The following NAALADL2 variants were observed in gnomAD, a reference collection of about 807,000 sequenced individuals.
NAALADL2 encodes N-acetylated alpha-linked acidic dipeptidase like 2.
NAALADL2 carries 76 observed loss-of-function variants against 87.2 expected under a neutral mutation model. The ratio of observed to expected loss-of-function variants is 0.87; its 90% CI spans 0.72 to 1.05. The LOEUF (loss-of-function observed/expected upper bound fraction) is 1.05, where lower values mean the gene tolerates loss of function less well. NAALADL2 is among the 50% of genes least tolerant of loss of function. NAALADL2 has a pLI of 0.00. For missense variants in NAALADL2, 1,089 were observed against 945.8 expected (o/e 1.15, Z -1.99); for synonymous variants, 354 against 331.0 (o/e 1.07, Z -0.75).
intron 11 of NAALADL2, among the ~76,000 whole-genome samples, chr3:175,628,260 G>T (rs1727274972): frequency 6.6e-6 from 1 of 151,652 alleles, no homozygotes; most frequent in Admixed American, 6.6e-5. Context: ...ATTTTGTCCA[G>T]TTGTAGGCTA....
chr3:175,579,085 CTTTCAAAGGGTGT>C (rs1472584715), intron 10 of NAALADL2, among the ~76,000 whole-genome samples: 2 of 152,184 alleles, frequency 1.3e-5, no homozygotes, highest in Non-Finnish European at 2.9e-5. Flanking sequence ...GCTGCTTCCA[CTTTCAAAGGGTGT>C]TTTCTAAGAG....
chr3:174,667,495 A>C (rs113336076), intron 2 of NAALADL2, among the ~76,000 whole-genome samples: 134 of 150,968 alleles, frequency 8.9e-4, no homozygotes, highest in African/African-American at 3.2e-3. Flanking sequence ...TGGCATTTTC[A>C]TGGGCAGAAA....
intron 5 of NAALADL2, among the ~76,000 whole-genome samples, chr3:175,411,716 T>C (rs1713554899): frequency 6.6e-6 from 1 of 152,038 alleles, no homozygotes; most frequent in Non-Finnish European, 1.5e-5. Context: ...AGTCACAAGC[T>C]AAGATGTCCA....
At chr3:174,867,958 G>T (rs1348261501) in intron 1 of NAALADL2, among the ~76,000 whole-genome samples, 2 of 151,984 alleles carry the variant, frequency 1.3e-5, no homozygotes, top group Non-Finnish European at 1.5e-5. Context: ...GTCTAAGAAT[G>T]AAAAGGCAAA....
At chr3:174,650,427 T>C (rs1022660133) in intron 2 of NAALADL2, among the ~76,000 whole-genome samples, 15 of 152,114 alleles carry the variant, frequency 9.9e-5, no homozygotes, top group Admixed American at 8.5e-4. Context: ...TAAGATGTTA[T>C]TGAAGGTAGT....
At chr3:174,856,625 A>C (rs1725888494), upstream of NAALADL2, among the ~76,000 whole-genome samples, 1 of 152,184 alleles carries the variant, frequency 6.6e-6, no homozygotes, top group Admixed American at 6.5e-5. Flanking sequence ...TAATGGTCCC[A>C]AAATGCAAAA....
chr3:175,405,783 G>T (rs550494992), intron 5 of NAALADL2, among the ~76,000 whole-genome samples: 1 of 152,222 alleles, frequency 6.6e-6, no homozygotes, highest in South Asian at 2.1e-4. Flanking sequence ...CATTTAATCT[G>T]CCAATAATCC....
chr3:175,306,539 C>T (rs549942177), intron 4 of NAALADL2, among the ~76,000 whole-genome samples: 11 of 152,204 alleles, frequency 7.2e-5, no homozygotes, highest in East Asian at 3.9e-4. Flanking sequence ...CGGCCAGACG[C>T]GGTGGCTCGT....
chr3:174,663,081 T>A (rs1189235343), intron 2 of NAALADL2, among the ~76,000 whole-genome samples: 1 of 152,162 alleles, frequency 6.6e-6, no homozygotes, highest in African/African-American at 2.4e-5. Flanking sequence ...TATTTTAATG[T>A]AGATGAGTAT....
chr3:175,554,829 A>T (rs1715003916), intron 9 of NAALADL2, among the ~76,000 whole-genome samples: 1 of 152,136 alleles, frequency 6.6e-6, no homozygotes, highest in Admixed American at 6.6e-5. Flanking sequence ...ATGAATTCTA[A>T]CTTATCTCAG....
chr3:175,772,560 T>C (rs141305326), intron 13 of NAALADL2, among the ~76,000 whole-genome samples: 2 of 152,248 alleles, frequency 1.3e-5, no homozygotes, highest in South Asian at 4.1e-4. Flanking sequence ...TTTCCAAAAT[T>C]AGTTAAATCA....
At chr3:175,746,789 C>A (rs767636403) in intron 12 of NAALADL2, among the ~76,000 whole-genome samples, 1 of 152,126 alleles carries the variant, frequency 6.6e-6, no homozygotes, top group Non-Finnish European at 1.5e-5. Flanking sequence ...CCATTGGGGG[C>A]AAATTCCTAA....
At chr3:174,473,964 G>T (rs1717061318) in intron 1 of NAALADL2, among the ~76,000 whole-genome samples, 1 of 152,070 alleles carries the variant, frequency 6.6e-6, no homozygotes, top group African/African-American at 2.4e-5. Flanking sequence ...TCACAGGGTG[G>T]CAGGAGAGAG....
Position 175,095,949 on chromosome 3 carries a change from G to T in NAALADL2, c.44-841G>T, listed in dbSNP as rs775862662. 7.2e-5 allele frequency among the ~76,000 whole-genome samples: 11 copies of T among 152,130 alleles called. No individual in the cohort carries two copies. The East Asian group carries it at 1.9e-3, about 27-fold the overall frequency. ...AGCCCAGTTTTCCTAATACCACTTGGCAGGATACAACAAGCTGTCATCCAA... is the reference window on the plus strand; with the variant it reads ...AGCCCAGTTTTCCTAATACCACTTGTCAGGATACAACAAGCTGTCATCCAA... On this transcript the variant is annotated intron_variant, in intron 1 of 13. Transcript: ENST00000454872.
chr3:175,005,691 T>C (rs1001124796), intron 1 of NAALADL2, among the ~76,000 whole-genome samples: 1 of 152,220 alleles, frequency 6.6e-6, no homozygotes, highest in African/African-American at 2.4e-5. Flanking sequence ...TTTCACAGCA[T>C]CTATTGATTA....
chr3:175,585,561 G>T (rs901393068), intron 10 of NAALADL2, among the ~76,000 whole-genome samples: 14 of 152,026 alleles, frequency 9.2e-5, no homozygotes, highest in Admixed American at 4.6e-4. Flanking sequence ...TAATGTTAAT[G>T]TTTCCTTGTA....
At chr3:175,223,773 T>C (rs1288462158) in intron 2 of NAALADL2, among the ~76,000 whole-genome samples, 3 of 152,176 alleles carry the variant, frequency 2.0e-5, no homozygotes. Flanking sequence ...AAAATGAAGC[T>C]AAGTTCAAGT....
chr3:174,766,332 G>A (rs1306616934), intron 3 of NAALADL2, among the ~76,000 whole-genome samples: 1 of 152,176 alleles, frequency 6.6e-6, no homozygotes, highest in Non-Finnish European at 1.5e-5. Flanking sequence ...AATGTGTCCT[G>A]ACAGCTACTG....
At chr3:174,780,542 C>T (rs943353631) in intron 3 of NAALADL2, among the ~76,000 whole-genome samples, 1 of 152,038 alleles carries the variant, frequency 6.6e-6, no homozygotes, top group Non-Finnish European at 1.5e-5. Context: ...GTGAGAGAGG[C>T]CATCCTTGCC....
Sources: gnomAD v4.1 joint callset for allele counts (sites outside exome capture counted in the v4.1 genomes callset) on GRCh38, gnomAD v4.1.1 for gene constraint, MANE v1.5 for transcripts, NCBI Gene and HGNC (gene_info 2026-07-23, HGNC 2026-07-21) for gene names.